The following EDC3 variants were observed in gnomAD, a reference collection of about 807,000 sequenced individuals.
EDC3 encodes enhancer of mRNA decapping 3, also known as enhancer of mRNA-decapping protein 3.
In EDC3, 20 loss-of-function variants were observed where a neutral mutation model predicts 41.8. The observed-to-expected ratio is 0.48, with a 90% CI of 0.34 to 0.70. The LOEUF is 0.70. EDC3 is among the 30% of genes least tolerant of loss of function. The pLI, the probability that EDC3 is intolerant of heterozygous loss-of-function variation, is 0.01. For synonymous variants in EDC3, 206 were observed against 243.2 expected (o/e 0.85, Z 1.42); for missense variants, 444 against 636.8 (o/e 0.70, Z 3.26).
intron 5 of EDC3, chr15:74,638,565 C>T (rs1299875944): frequency 6.6e-6 from 1 of 152,036 alleles, no homozygotes; most frequent in Non-Finnish European, 1.5e-5. Flanking sequence ...ACCTCCTGAC[C>T]TCAAGTGATC....
At chr15:74,653,270 A>AC (rs1006056347) in intron 4 of EDC3, among the ~76,000 whole-genome samples, 5 of 152,008 alleles carry the variant, frequency 3.3e-5, no homozygotes, top group Non-Finnish European at 5.9e-5. Flanking sequence ...TGATCAACTA[A>AC]CCTAACACTA....
At chr15:74,665,485 A>T (rs2062667468) in intron 3 of EDC3, among the ~76,000 whole-genome samples, 1 of 152,232 alleles carries the variant, frequency 6.6e-6, no homozygotes, top group South Asian at 2.1e-4. Context: ...TTCAGCTGTG[A>T]CATGGGATTT....
chr15:74,690,262 G>T lies in EDC3; in HGVS notation c.-19+5618C>A, dbSNP rs1019959486. On this transcript the variant is annotated intron_variant, in intron 1 of 6. Transcript: ENST00000315127. ...TTACTTTTAATTATGGGACTATTTTGCTCAAATGCTGAACTATCAGGATTT... is the reference window on the plus strand; with the variant it reads ...TTACTTTTAATTATGGGACTATTTTTCTCAAATGCTGAACTATCAGGATTT... Among the ~76,000 whole-genome samples, 4 of 152,304 alleles carry T rather than the reference G, an allele frequency of 2.6e-5. No individual in the cohort carries two copies. The East Asian group carries it at 7.7e-4, about 29-fold the overall frequency.
At chr15:74,678,605 T>C (rs1233645886) in intron 1 of EDC3, among the ~76,000 whole-genome samples, 1 of 152,054 alleles carries the variant, frequency 6.6e-6, no homozygotes, top group African/African-American at 2.4e-5. Flanking sequence ...CACAGGGGAA[T>C]GAGGCTGGAT....
At chr15:74,683,245 G>A (rs748713346) in intron 1 of EDC3, among the ~76,000 whole-genome samples, 18 of 151,594 alleles carry the variant, frequency 1.2e-4, no homozygotes, top group Non-Finnish European at 2.5e-4. Flanking sequence ...TATAGAAATG[G>A]AGAACAGGGC....
At chr15:74,673,574 C>T (rs998119373) in intron 2 of EDC3, among the ~76,000 whole-genome samples, 2 of 151,958 alleles carry the variant, frequency 1.3e-5, no homozygotes, top group African/African-American at 4.8e-5. Flanking sequence ...TGGTGGCTCA[C>T]ACCTGTAATC....
At position 74,632,127 on chromosome 15, in the gene EDC3, G is replaced by A. The variant is rs2141562877; in HGVS notation, c.*485C>T. On this transcript the variant is annotated 3_prime_UTR_variant, in exon 7 of 7. Coordinates refer to ENST00000315127, the MANE Select transcript of EDC3 (RefSeq NM_025083.5). This position sits in a 1 kb window ranked among gnomAD's most constrained non-coding sequence, Gnocchi z 4.0. ...GCCCTGGACATGAATGGAGAGTGCAGGTCTGCCCTCTGGTGGACAGCTGCC... is the reference window on the plus strand; with the variant it reads ...GCCCTGGACATGAATGGAGAGTGCAAGTCTGCCCTCTGGTGGACAGCTGCC... The A allele has an allele frequency of 5.1e-6, 1 of 195,640 alleles. No homozygotes were observed. Among genetic ancestry groups the A allele is most frequent in the Admixed American group, 5.3e-5 (1 of 18,952 alleles). The allele number at this position is 195,640 out of a possible 1,614,324, so 12.1% of individuals were successfully genotyped here.
chr15:74,640,927 C>T, intron 4 of EDC3: 1 of 340,858 alleles, frequency 2.9e-6, no homozygotes, highest in South Asian at 2.9e-5. Flanking sequence ...TCGAGACCAG[C>T]ACACAGCCTG....
chr15:74,640,393 G>C lies in EDC3; in HGVS notation c.974+73C>G, dbSNP rs890529738. ...CTAATGAACTCGTATGTGTGTATGG[G>C]AGGCACTGTGGTGGTGGCCAGGCAG... is the stretch of plus-strand genomic sequence containing the variant. On this transcript the variant is annotated intron_variant, in intron 5 of 6. Coordinates refer to ENST00000315127, the MANE Select transcript of EDC3 (RefSeq NM_025083.5). The C allele has an allele frequency of 6.5e-6, 10 of 1,530,458 alleles. No individual in the cohort carries two copies. In the African/African-American group the frequency reaches 1.4e-4, roughly 21 times the overall value. The allele number at this position is 1,530,458 out of a possible 1,614,324, so 94.8% of individuals were successfully genotyped here.
intron 1 of EDC3, among the ~76,000 whole-genome samples, chr15:74,679,135 G>A (rs1044187871): frequency 9.9e-5 from 15 of 152,040 alleles, no homozygotes; most frequent in Non-Finnish European, 2.2e-4. Context: ...AGGGGAGGTT[G>A]CAGTTAGCCA....
chr15:74,653,166 G>A (rs1466242806), intron 4 of EDC3, among the ~76,000 whole-genome samples: 2 of 140,300 alleles, frequency 1.4e-5, no homozygotes, highest in South Asian at 2.2e-4. Context: ...CAGCCTGGAT[G>A]ACAAAACAAG....
chr15:74,645,538 T>C (rs1159653015), intron 4 of EDC3: 28 of 141,422 alleles, frequency 2.0e-4, no homozygotes, highest in African/African-American at 5.9e-4. Flanking sequence ...TTCTGTAAGT[T>C]TGAAATTTTT....
intron 4 of EDC3, among the ~76,000 whole-genome samples, chr15:74,646,602 C>A (rs2062422337): frequency 6.6e-6 from 1 of 152,130 alleles, no homozygotes; most frequent in Admixed American, 6.5e-5. Context: ...AGTGGAGAAC[C>A]ATGAACTTCT....
intron 1 of EDC3, among the ~76,000 whole-genome samples, chr15:74,676,419 G>A (rs2062807843): frequency 6.6e-6 from 1 of 151,892 alleles, no homozygotes; most frequent in South Asian, 2.1e-4. Flanking sequence ...AAACAACTAA[G>A]AAAAATAAAA....
At chr15:74,693,919 G>A (rs890367941) in intron 1 of EDC3, among the ~76,000 whole-genome samples, 3 of 151,886 alleles carry the variant, frequency 2.0e-5, no homozygotes, top group Admixed American at 6.6e-5. Flanking sequence ...GGAGGCAGAG[G>A]TTACAGTGAG....
chr15:74,640,596 T>A lies in EDC3; in HGVS notation c.844A>T (p.Ile282Phe). Residue 282 changes from isoleucine to phenylalanine, a missense_variant, in exon 5 of 7, where the codon ATT becomes TTT. Coordinates refer to ENST00000315127, the MANE Select transcript of EDC3 (RefSeq NM_025083.5). ...AGCTTTTTATGCAGCTCATAGGAAA[T>A]ACTTGGGACAACCAGGCCAGAGTCT... The part of the protein sequence containing the change: ...CTDSGLVVPS[I>F]SYELHKKLLS... 1 of 1,614,106 alleles carries A rather than the reference T, an allele frequency of 6.2e-7. No individual in the cohort carries two copies. Among genetic ancestry groups the A allele is most frequent in the Non-Finnish European group, 8.5e-7 (1 of 1,180,024 alleles).
intron 2 of EDC3, 113 bp downstream of exon 2, chr15:74,674,848 C>T (rs111325914): frequency 0.03 from 37,158 of 1,242,252 alleles, 994 homozygotes; most frequent in African/African-American, 0.12. Context: ...AACCCCATCT[C>T]TACTAAAAAT....
At chr15:74,678,735 C>T (rs903835963) in intron 1 of EDC3, among the ~76,000 whole-genome samples, 25 of 151,096 alleles carry the variant, frequency 1.7e-4, no homozygotes, top group Admixed American at 6.6e-4. Context: ...ACTAAAAATA[C>T]AAAAATTAGC....
chr15:74,686,461 T>C (rs1039619651), intron 1 of EDC3, among the ~76,000 whole-genome samples: 1 of 151,944 alleles, frequency 6.6e-6, no homozygotes, highest in African/African-American at 2.4e-5. Context: ...CACTCCAGCC[T>C]GGGCAACAAG....
Sources: allele counts gnomAD v4.1 joint callset (sites outside exome capture counted in the v4.1 genomes callset), GRCh38; gene constraint gnomAD v4.1.1; non-coding constraint Gnocchi (gnomAD v3.1); transcripts MANE v1.5; gene names NCBI Gene and HGNC (gene_info 2026-07-23, HGNC 2026-07-21).